LRRTM3: variants seen among roughly 807,000 people sequenced by gnomAD.
LRRTM3 encodes leucine rich repeat transmembrane neuronal 3.
LRRTM3 carries 24 observed loss-of-function variants against 44.7 expected under a neutral mutation model. That is an observed-to-expected ratio of 0.54 (90% CI 0.39 to 0.76). The LOEUF is 0.76. Among genes scored for constraint, LRRTM3 ranks in the 30% least tolerant of loss-of-function variants. The pLI, the probability that LRRTM3 is intolerant of heterozygous loss-of-function variation, is 0.00. For missense variants in LRRTM3, 587 were observed against 702.2 expected (o/e 0.84, Z 1.85); for synonymous variants, 277 against 278.7 (o/e 0.99, Z 0.06).
At chr10:66,935,956 A>G (rs1480671611) in intron 2 of LRRTM3, among the ~76,000 whole-genome samples, 3 of 152,162 alleles carry the variant, frequency 2.0e-5, no homozygotes, top group East Asian at 3.9e-4. Context: ...TCCCTTTAGG[A>G]AATAATTTCC....
chr10:67,007,678 CCCA>C (rs1304970828), intron 2 of LRRTM3, among the ~76,000 whole-genome samples: 1 of 151,768 alleles, frequency 6.6e-6, no homozygotes, highest in African/African-American at 2.4e-5. Context: ...CTCAACATTT[CCCA>C]CCATTTTAAA....
Position 67,100,899 on chromosome 10 carries a change from A to G in LRRTM3, c.*3103A>G, listed in dbSNP as rs1405355508. Among the ~76,000 whole-genome samples, 1 of 151,728 alleles carries G rather than the reference A, an allele frequency of 6.6e-6. No individual in the cohort carries two copies. Among genetic ancestry groups the G allele is most frequent in the Non-Finnish European group, 1.5e-5 (1 of 67,794 alleles). On this transcript the variant is annotated 3_prime_UTR_variant, in exon 3 of 3. Transcript: ENST00000361320. ...GCTGTTAGTCTTTCCACTGTACTAA[A>G]AGATTTCTTTCTCTGATCAGAGCAA...
At chr10:67,027,976 A>G (rs78975713) in intron 2 of LRRTM3, among the ~76,000 whole-genome samples, 4,176 of 152,230 alleles carry the variant, frequency 0.027, 204 homozygotes, top group African/African-American at 0.095. Context: ...CTTGACCCTC[A>G]TAACAACCCT....
intron 2 of LRRTM3, among the ~76,000 whole-genome samples, chr10:67,053,426 A>T (rs1855234403): frequency 6.6e-6 from 1 of 152,186 alleles, no homozygotes; most frequent in Non-Finnish European, 1.5e-5. Context: ...GAACATTTTT[A>T]TAATGTACTC....
In LRRTM3 at chr10:67,020,014, TC is replaced by T. The variant is rs1353747344; in HGVS notation, c.1537-77572del. Among the ~76,000 whole-genome samples, 36 of 27,018 alleles carry T rather than the reference TC, an allele frequency of 1.3e-3. No homozygotes were observed. The Admixed American group carries it at 0.029, about 22-fold the overall frequency. 17.7% of individuals were successfully genotyped at this position (27,018 alleles called of 152,430 possible). A position where few individuals can be genotyped will look rare whatever the true frequency, so the allele number is the denominator to read the frequency against. On this transcript the variant is annotated intron_variant, in intron 2 of 2. Transcript: ENST00000361320. ...CAACATAATTGTGTTAATACCAATA[TC>T]AACTGCTTTCCCTCACTGTGTCAAG...
intron 2 of LRRTM3, among the ~76,000 whole-genome samples, chr10:66,942,588 A>ATG (rs148640505): frequency 2.0e-4 from 30 of 146,702 alleles, no homozygotes; most frequent in Non-Finnish European, 3.6e-4. Context: ...GTGTGTGTGT[A>ATG]TGTGTGTGTG....
rs1222406817 is a variant in LRRTM3, at chr10:67,008,850, G to A, written c.1536+80398G>A. ...TTTGTTTACCTTATTGTTTTTCAGT[G>A]TTTTCTTGTTTTAATTTTCCTTAAT... On this transcript the variant is annotated intron_variant, in intron 2 of 2. Coordinates refer to ENST00000361320, the MANE Select transcript of LRRTM3 (RefSeq NM_178011.5). Among the ~76,000 whole-genome samples, 4 of 152,170 alleles carry A rather than the reference G, an allele frequency of 2.6e-5. No individual in the cohort carries two copies. The East Asian group carries it at 5.8e-4, about 22-fold the overall frequency.
intron 2 of LRRTM3, among the ~76,000 whole-genome samples, chr10:67,039,265 C>G (rs1468561672): frequency 6.6e-6 from 1 of 152,082 alleles, no homozygotes; most frequent in Non-Finnish European, 1.5e-5. Context: ...ACTGTAGCAG[C>G]TGTTAGAAAT....
chr10:66,986,336 A>T (rs1366853122), intron 2 of LRRTM3, among the ~76,000 whole-genome samples: 1 of 152,014 alleles, frequency 6.6e-6, no homozygotes, highest in African/African-American at 2.4e-5. Context: ...ATCTCTACTA[A>T]AAATACAAAA....
intron 2 of LRRTM3, among the ~76,000 whole-genome samples, chr10:67,037,298 T>C (rs1042020768): frequency 3.9e-5 from 6 of 151,972 alleles, no homozygotes; most frequent in African/African-American, 1.4e-4. Context: ...CTTTCTCTTC[T>C]TTCATGTACT....
chr10:67,068,712 A>G (rs1457567514), intron 2 of LRRTM3, among the ~76,000 whole-genome samples: 1 of 152,214 alleles, frequency 6.6e-6, no homozygotes, highest in Non-Finnish European at 1.5e-5. Context: ...ATGTTAGAAA[A>G]AGACTAAAAT....
intron 1 of LRRTM3, 51 bp from the exon 2 acceptor site, chr10:66,926,870 G>A (rs1793713426): frequency 6.7e-7 from 1 of 1,483,194 alleles, no homozygotes; most frequent in African/African-American, 1.4e-5. Context: ...CTTGATTAAG[G>A]ATTAATTCTT....
At chr10:67,060,346 G>A (rs1490150829) in intron 2 of LRRTM3, among the ~76,000 whole-genome samples, 1 of 152,082 alleles carries the variant, frequency 6.6e-6, no homozygotes, top group Non-Finnish European at 1.5e-5. Flanking sequence ...TTCTGTAAAT[G>A]TATACAATTA....
intron 2 of LRRTM3, among the ~76,000 whole-genome samples, chr10:66,955,361 T>C (rs974270069): frequency 3.3e-5 from 5 of 152,178 alleles, no homozygotes; most frequent in African/African-American, 7.2e-5. Context: ...CCAAGCCCAG[T>C]AGGCACTATA....
At chr10:67,073,412 C>T (rs1164641730) in intron 2 of LRRTM3, among the ~76,000 whole-genome samples, 2 of 151,952 alleles carry the variant, frequency 1.3e-5, no homozygotes, top group Admixed American at 1.3e-4. Context: ...ATATGTTTTT[C>T]CTTCAGTCTA....
chr10:67,005,799 C>A (rs1001215357), intron 2 of LRRTM3, among the ~76,000 whole-genome samples: 16 of 144,948 alleles, frequency 1.1e-4, no homozygotes, highest in Non-Finnish European at 2.2e-4. Flanking sequence ...GATTCTCCTG[C>A]CTCAGCCTCC....
At chr10:66,990,588 G>C (rs889531654) in intron 2 of LRRTM3, among the ~76,000 whole-genome samples, 3 of 152,108 alleles carry the variant, frequency 2.0e-5, no homozygotes, top group Non-Finnish European at 2.9e-5. Context: ...CAAGGTAACT[G>C]AGAAATAAAG....
At chr10:66,972,128 T>C (rs1376634315) in intron 2 of LRRTM3, among the ~76,000 whole-genome samples, 1 of 152,176 alleles carries the variant, frequency 6.6e-6, no homozygotes, top group Non-Finnish European at 1.5e-5. Flanking sequence ...CTCCTTATGA[T>C]AGAATATCGC....
At chr10:67,070,159 C>T (rs1856360947) in intron 2 of LRRTM3, among the ~76,000 whole-genome samples, 1 of 152,054 alleles carries the variant, frequency 6.6e-6, no homozygotes, top group Non-Finnish European at 1.5e-5. Context: ...AAGTTAAGTT[C>T]TTTTTCACAC....
Sources: gnomAD v4.1 joint callset for allele counts (sites outside exome capture counted in the v4.1 genomes callset) on GRCh38, gnomAD v4.1.1 for gene constraint, MANE v1.5 for transcripts, NCBI Gene and HGNC (gene_info 2026-07-23, HGNC 2026-07-21) for gene names.